The following NSA2 variants were observed in gnomAD, a reference collection of about 807,000 sequenced individuals.
NSA2 encodes NSA2 ribosome biogenesis factor.
A neutral mutation model predicts 34.8 loss-of-function variants in NSA2; 18 were observed. The observed-to-expected ratio is 0.52, with a 90% CI of 0.36 to 0.77. NSA2 has a LOEUF of 0.77. NSA2 is among the 30% of genes least tolerant of loss of function. The pLI is 0.00. For missense variants in NSA2, 188 were observed against 314.7 expected (o/e 0.60, Z 3.05); for synonymous variants, 79 against 100.2 (o/e 0.79, Z 1.26).
chr5:74,772,326 C>T (rs1744969240), intron 4 of NSA2, among the ~76,000 whole-genome samples: 3 of 152,050 alleles, frequency 2.0e-5, no homozygotes, highest in Admixed American at 2.0e-4. Flanking sequence ...CGGGGTTTCA[C>T]CGTGTTAGCC....
intron 3 of NSA2, 171 bp downstream of exon 3, chr5:74,769,535 G>A: frequency 6.0e-6 from 3 of 501,854 alleles, no homozygotes; most frequent in East Asian, 3.5e-5. Context: ...CTCATCATAA[G>A]GTTTTAAAAT....
chr5:74,775,886 A>G (rs112810270), intron 5 of NSA2, among the ~76,000 whole-genome samples: 2 of 152,206 alleles, frequency 1.3e-5, no homozygotes, highest in African/African-American at 2.4e-5. Flanking sequence ...ACACGCTACA[A>G]CTTCTTCAGT....
intron 4 of NSA2, among the ~76,000 whole-genome samples, chr5:74,772,415 G>A (rs1744974118): frequency 6.8e-6 from 1 of 146,364 alleles, no homozygotes; most frequent in Non-Finnish European, 1.5e-5. Context: ...CACCGTGCCC[G>A]GCCAACGTGA....
rs1192366398 is a variant in NSA2, at chr5:74,776,776, A to AAGAG, written c.*107_*110dup. ...CAAACAGCCATACATGTCTGCAATGAAGAGATTTATTAAATTGTAAACATT... is the reference window on the plus strand; with the variant it reads ...CAAACAGCCATACATGTCTGCAATGAAGAGAGAGATTTATTAAATTGTAAACATT... On this transcript the variant is annotated 3_prime_UTR_variant, in exon 6 of 6. Coordinates refer to ENST00000610426, the MANE Select transcript of NSA2 (RefSeq NM_014886.6). 2 of 652,190 alleles carry AAGAG rather than the reference A, an allele frequency of 3.1e-6. No homozygotes were observed. Among genetic ancestry groups the AAGAG allele is most frequent in the Non-Finnish European group, 5.6e-6 (2 of 358,010 alleles). 40.4% of individuals were successfully genotyped at this position (652,190 alleles called of 1,614,324 possible). A position where few individuals can be genotyped will look rare whatever the true frequency, so the allele number is the denominator to read the frequency against.
rs373845284 is a variant in NSA2 at position 74,772,485 on chromosome 5, TG to T, written c.523-1381del. On this transcript the variant is annotated intron_variant, in intron 4 of 5. Coordinates refer to ENST00000610426, the MANE Select transcript of NSA2 (RefSeq NM_014886.6). ...CCTGTTTCTGTAAATAAAATTTTAATGGAACACAGTCATGCCTGTTCATTTA... is the reference window on the plus strand; with the variant it reads ...CCTGTTTCTGTAAATAAAATTTTAATGAACACAGTCATGCCTGTTCATTTA... Among the ~76,000 whole-genome samples the T allele has an allele frequency of 3.0e-4, 46 of 152,340 alleles. 1 individual carries two copies. In the South Asian group the frequency reaches 9.5e-3, roughly 32 times the overall value.
intron 5 of NSA2, 53 bp from the exon 6 acceptor site, chr5:74,776,551 T>C: frequency 1.1e-6 from 1 of 905,608 alleles, no homozygotes; most frequent in Non-Finnish European, 1.8e-6. Flanking sequence ...TAAAATTAAT[T>C]TTTATTAGCT....
At chr5:74,770,559 C>T (rs1309441867) in intron 3 of NSA2, 72 bp from the exon 4 acceptor site, 13 of 1,246,862 alleles carry the variant, frequency 1.0e-5, no homozygotes, top group African/African-American at 1.5e-5. Context: ...CTTTGTACAA[C>T]TAAAACATAT....
At chr5:74,769,801 C>A (rs1260023332) in intron 3 of NSA2, among the ~76,000 whole-genome samples, 1 of 152,060 alleles carries the variant, frequency 6.6e-6, no homozygotes, top group Non-Finnish European at 1.5e-5. Flanking sequence ...TAGCAGAAAT[C>A]CAGATAAAAG....
At chr5:74,771,280 CAA>C (rs534453627) in intron 4 of NSA2, among the ~76,000 whole-genome samples, 6 of 113,550 alleles carry the variant, frequency 5.3e-5, no homozygotes, top group African/African-American at 6.6e-5. Context: ...AAATCCGTCT[CAA>C]AAAAAAAAAA....
intron 1 of NSA2, 145 bp from the exon 2 acceptor site, chr5:74,768,784 CAT>C (rs1159738780): frequency 3.4e-6 from 2 of 595,884 alleles, no homozygotes; most frequent in Non-Finnish European, 5.5e-6. Flanking sequence ...TAACTTACAT[CAT>C]GTGAATAAAC....
intron 3 of NSA2, 89 bp from the exon 4 acceptor site, chr5:74,770,542 T>C (rs1744883029): frequency 1.9e-6 from 2 of 1,055,478 alleles, no homozygotes; most frequent in African/African-American, 1.6e-5. Flanking sequence ...AAAAAATAGA[T>C]CTATTACTTT....
chr5:74,774,738 T>C (rs1029226405), intron 5 of NSA2, among the ~76,000 whole-genome samples: 2 of 152,172 alleles, frequency 1.3e-5, no homozygotes, highest in Admixed American at 6.5e-5. Flanking sequence ...ATCAAACATA[T>C]TTTAAAAGTG....
At chr5:74,773,813 C>A in intron 4 of NSA2, 55 bp from the exon 5 acceptor site, 1 of 1,409,796 alleles carries the variant, frequency 7.1e-7, no homozygotes, top group Non-Finnish European at 9.8e-7. Flanking sequence ...GACCACTACT[C>A]ATCACTGTTA....
At position 74,767,287 on chromosome 5, in the gene NSA2, G is replaced by A. The variant is rs934148238; in HGVS notation, c.-74G>A. ...CCGGCCTGCGTGGTGTGGGCTTGTG[G>A]GTCTTTGAGACCCGAAAATTGAGAG... On this transcript the variant is annotated 5_prime_UTR_variant, in exon 1 of 6. Transcript: ENST00000610426. 2.5e-6 allele frequency: 4 copies of A among 1,597,812 alleles called. No individual in the cohort carries two copies. The highest frequency in any genetic ancestry group is 1.1e-5 in the South Asian group (1 of 90,660).
At chr5:74,769,595 G>A in intron 3 of NSA2, 2 of 362,358 alleles carry the variant, frequency 5.5e-6, no homozygotes, top group South Asian at 6.5e-5. Flanking sequence ...TTAAAAAGCT[G>A]GTAAGGAGTG....
At position 74,777,664 on chromosome 5, in the gene NSA2, T is replaced by C. The variant is rs967956476; in HGVS notation, c.*993T>C. The C allele has an allele frequency of 1.3e-5, 2 of 152,046 alleles. No homozygotes were observed. The highest frequency in any genetic ancestry group is 4.8e-5 in the African/African-American group (2 of 41,448). 9.4% of individuals were successfully genotyped at this position (152,046 alleles called of 1,614,324 possible). ...TTGTGCCTTTAACAAAGTCATTCAA[T>C]GTCTAAACAAATTCAGTATCTGAAA... is the stretch of plus-strand genomic sequence containing the variant. On this transcript the variant is annotated 3_prime_UTR_variant, in exon 6 of 6. Coordinates refer to ENST00000610426, the MANE Select transcript of NSA2 (RefSeq NM_014886.6).
rs374912826 is a variant in NSA2 at position 74,767,319 on chromosome 5, C to G, written c.-42C>G. 1.9e-6 allele frequency: 3 copies of G among 1,612,678 alleles called. No homozygotes were observed. Among genetic ancestry groups the G allele is most frequent in the East Asian group, 4.5e-5 (2 of 44,836 alleles). On this transcript the variant is annotated 5_prime_UTR_variant, in exon 1 of 6. Coordinates refer to ENST00000610426, the MANE Select transcript of NSA2 (RefSeq NM_014886.6). ...GAGACCCGAAAATTGAGAGCGTTTTCGCACTCCAGCGGCTGCTCCTGGCGG... is the reference window on the plus strand; with the variant it reads ...GAGACCCGAAAATTGAGAGCGTTTTGGCACTCCAGCGGCTGCTCCTGGCGG...
intron 4 of NSA2, among the ~76,000 whole-genome samples, chr5:74,771,266 G>A (rs1242542039): frequency 6.7e-6 from 1 of 149,392 alleles, no homozygotes; most frequent in Non-Finnish European, 1.5e-5. Context: ...GGCAAGAAGA[G>A]CAAAAATCCG....
At chr5:74,775,370 C>G (rs1169754785) in intron 5 of NSA2, among the ~76,000 whole-genome samples, 1 of 152,106 alleles carries the variant, frequency 6.6e-6, no homozygotes, top group Non-Finnish European at 1.5e-5. Flanking sequence ...AATCCCAGCA[C>G]TTGGGGAGGC....
Sources: gnomAD v4.1 joint callset for allele counts (sites outside exome capture counted in the v4.1 genomes callset) on GRCh38, gnomAD v4.1.1 for gene constraint, MANE v1.5 for transcripts, NCBI Gene and HGNC (gene_info 2026-07-23, HGNC 2026-07-21) for gene names.